DMXL1: variants seen among roughly 807,000 people sequenced by gnomAD.
DMXL1 encodes the protein dmX-like protein 1.
In DMXL1, 99 loss-of-function variants were observed where a neutral mutation model predicts 319.2. The observed-to-expected ratio is 0.31, with a 90% CI of 0.26 to 0.37. DMXL1 has a LOEUF of 0.37. Ranked by LOEUF, DMXL1 falls within the 10% of genes least tolerant of loss-of-function variation. The pLI is 1.00. For synonymous variants in DMXL1, 1,385 were observed against 1,235.2 expected (o/e 1.12, Z -2.54); for missense variants, 3,745 against 3,595.6 (o/e 1.04, Z -1.06).
At chr5:119,092,596 A>G (rs913672327) in intron 1 of DMXL1, among the ~76,000 whole-genome samples, 1 of 152,174 alleles carries the variant, frequency 6.6e-6, no homozygotes, top group African/African-American at 2.4e-5. Flanking sequence ...CTGATTATAG[A>G]ACATTTTCCT....
At chr5:119,189,922 G>A in intron 29 of DMXL1, 36 bp downstream of exon 29, 1 of 1,549,778 alleles carries the variant, frequency 6.5e-7, no homozygotes, top group Non-Finnish European at 8.8e-7. Context: ...TATTTTCATA[G>A]TCAAATAGAA....
intron 1 of DMXL1, among the ~76,000 whole-genome samples, chr5:119,090,552 C>A (rs1200362619): frequency 6.9e-6 from 1 of 145,012 alleles, no homozygotes. Flanking sequence ...TTGTTTTTTT[C>A]TCCTCTGTTT....
chr5:119,148,889 A>G lies in DMXL1; in HGVS notation c.3062A>G (p.Tyr1021Cys), dbSNP rs754508863. Residue 1021 changes from tyrosine (Y) to cysteine (C), a missense_variant, in exon 18 of 44, where the codon TAC becomes TGC. Around this residue, in one of 4 missense-constraint regions of DMXL1, gnomAD observed 2,096 missense variants for 1,985.4 expected, o/e 1.06. Coordinates refer to ENST00000539542, the MANE Select transcript of DMXL1 (RefSeq NM_001290321.3). ...AAGAATGGAAAAATTGATCTTGCAT[A>G]CATTTGGGAAGAATGGCCATTACTT... is the stretch of plus-strand genomic sequence containing the variant. ...TSKNGKIDLA[Y>C]IWEEWPLLIE... 6 of 1,613,858 alleles carry G rather than the reference A, an allele frequency of 3.7e-6. No individual in the cohort carries two copies. Among genetic ancestry groups the G allele is most frequent in the Non-Finnish European group, 5.1e-6 (6 of 1,179,828 alleles).
At chr5:119,160,728 A>G (rs1295980478) in intron 19 of DMXL1, among the ~76,000 whole-genome samples, 2 of 152,146 alleles carry the variant, frequency 1.3e-5, no homozygotes, top group African/African-American at 4.8e-5. Context: ...ATAATTATTA[A>G]TATCCTCTGG....
chr5:119,076,048 T>A (rs1750783649), intron 1 of DMXL1, among the ~76,000 whole-genome samples: 1 of 152,160 alleles, frequency 6.6e-6, no homozygotes, highest in African/African-American at 2.4e-5. Flanking sequence ...GTGATTTGAA[T>A]GATATGGAAA....
At chr5:119,117,736 A>G (rs979027166) in intron 7 of DMXL1, among the ~76,000 whole-genome samples, 3 of 152,134 alleles carry the variant, frequency 2.0e-5, no homozygotes, top group East Asian at 3.9e-4. Context: ...CGCCAGAGGG[A>G]GAGAGATGCA....
At chr5:119,146,554 C>T (rs945818147) in intron 15 of DMXL1, among the ~76,000 whole-genome samples, 1 of 151,836 alleles carries the variant, frequency 6.6e-6, no homozygotes, top group Non-Finnish European at 1.5e-5. Flanking sequence ...TAGAAATTTC[C>T]TACTTCTTAT....
intron 37 of DMXL1, among the ~76,000 whole-genome samples, chr5:119,221,383 C>T (rs192012773): frequency 1.3e-5 from 2 of 151,988 alleles, no homozygotes; most frequent in African/African-American, 4.8e-5. Flanking sequence ...CAAATATTAC[C>T]CATGACCTGT....
chr5:119,247,050 G>A lies in DMXL1; in HGVS notation c.8978G>A (p.Arg2993Gln), dbSNP rs1182453362. The part of the protein sequence containing the change: ...LLHTFVSEHA[R>Q]QSIFRNIGTG... ...CATACTTTTGTCAGTGAACATGCTCGGCAGTCCATTTTTAGAAATATTGGA... is the reference window on the plus strand; with the variant it reads ...CATACTTTTGTCAGTGAACATGCTCAGCAGTCCATTTTTAGAAATATTGGA... Residue 2993 changes from arginine (R) to glutamine (Q), a missense_variant, in exon 44 of 44, where the codon CGG becomes CAG. This residue lies in a region of DMXL1 where 262 missense variants were observed against 320.5 expected (regional missense o/e 0.82). Coordinates refer to ENST00000539542, the MANE Select transcript of DMXL1 (RefSeq NM_001290321.3). 1.2e-5 allele frequency: 19 copies of A among 1,613,872 alleles called. No individual in the cohort carries two copies. The Admixed American group carries it at 3.0e-4, about 25-fold the overall frequency.
At chr5:119,108,077 C>T (rs149821446) in intron 4 of DMXL1, among the ~76,000 whole-genome samples, 32 of 152,164 alleles carry the variant, frequency 2.1e-4, no homozygotes, top group African/African-American at 6.5e-4. Flanking sequence ...AACAAGAAAA[C>T]GAGGGCGAAG....
At chr5:119,129,536 C>G (rs1459972553) in intron 10 of DMXL1, 113 bp downstream of exon 10, 12 of 702,614 alleles carry the variant, frequency 1.7e-5, no homozygotes, top group Middle Eastern at 4.0e-4. Context: ...ATGACATGAT[C>G]CAAACATGGA....
chr5:119,117,959 A>G (rs1761205844), intron 7 of DMXL1, among the ~76,000 whole-genome samples: 1 of 152,264 alleles, frequency 6.6e-6, no homozygotes, highest in African/African-American at 2.4e-5. Flanking sequence ...ATGCTGGAAC[A>G]AGTTACTACT....
chr5:119,219,600 G>A (rs1014340526), intron 35 of DMXL1, among the ~76,000 whole-genome samples: 15 of 150,926 alleles, frequency 9.9e-5, no homozygotes, highest in African/African-American at 3.5e-4. Flanking sequence ...TTGAGACAGG[G>A]TATCATGCCT....
chr5:119,184,849 C>T (rs1486637417), intron 28 of DMXL1, among the ~76,000 whole-genome samples: 1 of 152,028 alleles, frequency 6.6e-6, no homozygotes, highest in South Asian at 2.1e-4. Flanking sequence ...TGTGTGTATA[C>T]TCCATTCACA....
intron 13 of DMXL1, among the ~76,000 whole-genome samples, chr5:119,142,158 C>T (rs989162316): frequency 1.3e-5 from 2 of 151,882 alleles, no homozygotes; most frequent in African/African-American, 4.8e-5. Context: ...CTCTAAAAAC[C>T]CTGGAAGACA....
rs1580831685 is a variant in DMXL1 at position 119,122,361 on chromosome 5, G to A, written c.1102+1222G>A. ...GAGGGGGCGGCTGGCCGGGCAGAGG[G>A]GCTCCTCACTTCCCAGTAGGGGCGA... On this transcript the variant is annotated intron_variant, in intron 9 of 43. Coordinates refer to ENST00000539542, the MANE Select transcript of DMXL1 (RefSeq NM_001290321.3). Among the ~76,000 whole-genome samples, 8 of 146,800 alleles carry A rather than the reference G, an allele frequency of 5.4e-5. 1 individual carries two copies. The South Asian group carries it at 1.5e-3, about 28-fold the overall frequency.
chr5:119,132,403 G>A (rs902258953), intron 10 of DMXL1, among the ~76,000 whole-genome samples: 6 of 152,148 alleles, frequency 3.9e-5, no homozygotes, highest in African/African-American at 1.2e-4. Flanking sequence ...TAACTTGGCC[G>A]GGCACAGTGG....
chr5:119,185,310 A>G (rs186301677), intron 28 of DMXL1, among the ~76,000 whole-genome samples: 6 of 152,186 alleles, frequency 3.9e-5, no homozygotes, highest in African/African-American at 9.6e-5. Flanking sequence ...ATTTTGTACA[A>G]CTACCGTGGA....
In DMXL1 at chr5:119,184,241, T is replaced by C. The variant is rs555439128; in HGVS notation, c.7136-5467T>C. 2.6e-5 allele frequency among the ~76,000 whole-genome samples: 4 copies of C among 152,224 alleles called. No homozygotes were observed. In the South Asian group the frequency reaches 8.3e-4, roughly 32 times the overall value. ...TTAGCCTAGTTAATTTTTTAAGTTT[T>C]ATTTTTATAGAGACAAGGTCTCACT... On this transcript the variant is annotated intron_variant, in intron 28 of 43. Coordinates refer to ENST00000539542, the MANE Select transcript of DMXL1 (RefSeq NM_001290321.3).
Sources: allele counts gnomAD v4.1 joint callset (sites outside exome capture counted in the v4.1 genomes callset), GRCh38; gene constraint gnomAD v4.1.1; regional missense constraint gnomAD v4.1.1; transcripts MANE v1.5; gene names NCBI Gene and HGNC (gene_info 2026-07-23, HGNC 2026-07-21).